LRMDA: variants seen among roughly 807,000 people sequenced by gnomAD.
LRMDA encodes leucine rich melanocyte differentiation associated.
Under a neutral mutation model 29.8 loss-of-function variants are expected in LRMDA, and 18 were observed. That is an observed-to-expected ratio of 0.60 (90% CI 0.42 to 0.90). The LOEUF (loss-of-function observed/expected upper bound fraction) is 0.90, where lower values mean the gene tolerates loss of function less well. LRMDA is among the 40% of genes least tolerant of loss of function. The pLI is 0.00. For missense variants in LRMDA, 273 were observed against 273.9 expected (o/e 1.00, Z 0.02); for synonymous variants, 125 against 109.4 (o/e 1.14, Z -0.89).
intron 6 of LRMDA, among the ~76,000 whole-genome samples, chr10:76,546,121 C>G (rs1440058520): frequency 6.6e-6 from 1 of 152,194 alleles, no homozygotes; most frequent in Non-Finnish European, 1.5e-5. Context: ...ATAATAAATG[C>G]TGGGGTTCAG....
intron 2 of LRMDA, among the ~76,000 whole-genome samples, chr10:75,796,758 A>G (rs1446751201): frequency 6.6e-6 from 1 of 152,202 alleles, no homozygotes; most frequent in Non-Finnish European, 1.5e-5. Flanking sequence ...TTTTTAGTAG[A>G]GATGGGGTTT....
At chr10:76,008,339 A>G (rs1324271965) in intron 2 of LRMDA, among the ~76,000 whole-genome samples, 2 of 152,156 alleles carry the variant, frequency 1.3e-5, no homozygotes, top group Non-Finnish European at 2.9e-5. Context: ...TTTGATTCCC[A>G]TTGACTGAAG....
At chr10:76,490,328 G>T (rs1019744096) in intron 6 of LRMDA, among the ~76,000 whole-genome samples, 2 of 151,736 alleles carry the variant, frequency 1.3e-5, no homozygotes, top group Non-Finnish European at 2.9e-5. Flanking sequence ...GTGTTTCTTT[G>T]TTATTTTTTT....
chr10:76,396,077 G>GT (rs1267122461), intron 6 of LRMDA, among the ~76,000 whole-genome samples: 1 of 152,188 alleles, frequency 6.6e-6, no homozygotes, highest in Non-Finnish European at 1.5e-5. Flanking sequence ...ATGGGCTGTG[G>GT]TTTTTCCCCC....
chr10:75,576,171 A>G (rs960906056), intron 2 of LRMDA, among the ~76,000 whole-genome samples: 2 of 152,168 alleles, frequency 1.3e-5, no homozygotes, highest in East Asian at 1.9e-4. Context: ...GGGACACTCA[A>G]GCTTAGTGGG....
At chr10:76,304,750 G>C in intron 5 of LRMDA, among the ~76,000 whole-genome samples, 1 of 152,242 alleles carries the variant, frequency 6.6e-6, no homozygotes, top group Admixed American at 6.5e-5. Context: ...CCCTCAAGGA[G>C]CAAAGTGTCT....
intron 5 of LRMDA, among the ~76,000 whole-genome samples, chr10:76,175,407 A>G (rs987506567): frequency 2.0e-5 from 3 of 152,212 alleles, no homozygotes; most frequent in East Asian, 1.9e-4. Flanking sequence ...CTTTTGATAC[A>G]TGAGTAGCTC....
chr10:76,317,734 C>A (rs1840718190), intron 5 of LRMDA, among the ~76,000 whole-genome samples: 1 of 152,098 alleles, frequency 6.6e-6, no homozygotes, highest in Admixed American at 6.6e-5. Flanking sequence ...CCACCACACC[C>A]AGCTAATTTT....
intron 3 of LRMDA, among the ~76,000 whole-genome samples, chr10:76,040,119 A>G (rs1022398471): frequency 6.6e-6 from 1 of 152,196 alleles, no homozygotes; most frequent in African/African-American, 2.4e-5. Flanking sequence ...TCTAGAACCC[A>G]GGTATGCTGA....
intron 2 of LRMDA, among the ~76,000 whole-genome samples, chr10:75,581,098 A>G (rs1041551532): frequency 6.6e-6 from 1 of 152,242 alleles, no homozygotes; most frequent in East Asian, 1.9e-4. Flanking sequence ...GAGCATCTGC[A>G]CAGGAAAAGA....
chr10:75,881,177 A>C (rs1216347940), intron 2 of LRMDA, among the ~76,000 whole-genome samples: 1 of 152,212 alleles, frequency 6.6e-6, no homozygotes, highest in African/African-American at 2.4e-5. Context: ...ACATACATAC[A>C]TATTTAGCAA....
At position 75,467,827 on chromosome 10, in the gene LRMDA, G is replaced by A. The variant is rs183861168; in HGVS notation, c.131+29333G>A. On this transcript the variant is annotated intron_variant, in intron 2 of 6. Transcript: ENST00000611255. ...AATACAAAAATTATCTGGGGCTGGC[G>A]GTGCATGCCTGTAATCCCAGCTACA... 3.4e-3 allele frequency among the ~76,000 whole-genome samples: 515 copies of A among 152,110 alleles called. 2 individuals carry two copies. Among genetic ancestry groups the A allele is most frequent in the African/African-American group, 0.012 (488 of 41,488 alleles).
chr10:75,968,047 G>T (rs1192175679), intron 2 of LRMDA, among the ~76,000 whole-genome samples: 1 of 152,060 alleles, frequency 6.6e-6, no homozygotes, highest in Non-Finnish European at 1.5e-5. Flanking sequence ...TGACAGTTTT[G>T]CATTAACCTA....
intron 2 of LRMDA, among the ~76,000 whole-genome samples, chr10:75,850,211 C>T (rs908817963): frequency 6.6e-6 from 1 of 152,158 alleles, no homozygotes; most frequent in South Asian, 2.1e-4. Context: ...AGCTGAAAAG[C>T]GGTCTCTCAA....
intron 3 of LRMDA, among the ~76,000 whole-genome samples, chr10:76,042,876 T>C (rs966190520): frequency 1.3e-5 from 2 of 152,220 alleles, no homozygotes; most frequent in African/African-American, 4.8e-5. Context: ...GTAAAACTTT[T>C]AGGATTATTA....
At chr10:76,174,282 C>G (rs781040951) in intron 5 of LRMDA, among the ~76,000 whole-genome samples, 3 of 151,710 alleles carry the variant, frequency 2.0e-5, no homozygotes, top group Non-Finnish European at 4.4e-5. Context: ...CCATTACCCA[C>G]AAAAATTTTA....
intron 2 of LRMDA, among the ~76,000 whole-genome samples, chr10:75,756,083 A>G (rs372574266): frequency 9.2e-5 from 14 of 152,160 alleles, no homozygotes; most frequent in South Asian, 4.1e-4. Flanking sequence ...GGGAGAGTGT[A>G]GCTTGTCTTT....
chr10:76,039,570 C>A (rs1345586262), intron 3 of LRMDA, among the ~76,000 whole-genome samples: 1 of 152,182 alleles, frequency 6.6e-6, no homozygotes, highest in South Asian at 2.1e-4. Context: ...GGTTCCTAGA[C>A]CCTGGACACT....
At chr10:76,435,288 C>T (rs1035202261) in intron 6 of LRMDA, among the ~76,000 whole-genome samples, 6 of 152,200 alleles carry the variant, frequency 3.9e-5, no homozygotes, top group Non-Finnish European at 7.3e-5. Flanking sequence ...AGAACTATAA[C>T]TTGGCCTTGC....
Sources: gnomAD v4.1 joint callset for allele counts (sites outside exome capture counted in the v4.1 genomes callset) on GRCh38, gnomAD v4.1.1 for gene constraint, MANE v1.5 for transcripts, NCBI Gene and HGNC (gene_info 2026-07-23, HGNC 2026-07-21) for gene names.